ASAP2: variants seen among roughly 807,000 people sequenced by gnomAD.
The protein encoded by ASAP2 is arf-GAP with SH3 domain, ANK repeat and PH domain-containing protein 2.
A neutral mutation model predicts 131.4 loss-of-function variants in ASAP2; 45 were observed. The observed-to-expected ratio is 0.34, with a 90% confidence interval of 0.27 to 0.44. The LOEUF (loss-of-function observed/expected upper bound fraction) is 0.44. ASAP2 is among the 20% of genes least tolerant of loss of function. ASAP2 has a pLI of 1.00. For missense variants in ASAP2, 1,011 were observed against 1,297.0 expected (o/e 0.78, Z 3.39); for synonymous variants, 510 against 503.0 (o/e 1.01, Z -0.19).
At chr2:9,332,158 C>T (rs1339681133) in intron 7 of ASAP2, among the ~76,000 whole-genome samples, 1 of 152,044 alleles carries the variant, frequency 6.6e-6, no homozygotes, top group Non-Finnish European at 1.5e-5. Flanking sequence ...GTTTAATAGA[C>T]AACAAAATTT....
At chr2:9,234,282 A>G (rs1663384232) in intron 1 of ASAP2, among the ~76,000 whole-genome samples, 4 of 152,072 alleles carry the variant, frequency 2.6e-5, no homozygotes, top group Admixed American at 2.6e-4. Flanking sequence ...AGCTTCCTAA[A>G]CTGTAAAATG....
At chr2:9,329,688 C>T (rs1429538002) in intron 7 of ASAP2, among the ~76,000 whole-genome samples, 1 of 152,168 alleles carries the variant, frequency 6.6e-6, no homozygotes, top group East Asian at 1.9e-4. Flanking sequence ...TTCGTGACAG[C>T]GGGAGTGGAA....
In ASAP2 at chr2:9,302,122, CTTT is replaced by C. The variant is rs60869426; in HGVS notation, c.345+4692_345+4694del. ...ACAGGCGTGAGCCACCGCGCCCGGCCTTTTTTTTTTTTTTTTTCCCAAACACAG... is the reference window on the plus strand; with the variant it reads ...ACAGGCGTGAGCCACCGCGCCCGGCCTTTTTTTTTTTTTTCCCAAACACAG... On this transcript the variant is annotated intron_variant, in intron 3 of 27. Coordinates refer to ENST00000281419, the MANE Select transcript of ASAP2 (RefSeq NM_003887.3). Among the ~76,000 whole-genome samples, 364 of 103,398 alleles carry C rather than the reference CTTT, an allele frequency of 3.5e-3. 1 individual carries two copies. The highest frequency in any genetic ancestry group is 5.7e-3 in the South Asian group (17 of 3,002). 67.8% of individuals were successfully genotyped at this position (103,398 alleles called of 152,430 possible). A position where few individuals can be genotyped will look rare whatever the true frequency, so the allele number is the denominator to read the frequency against.
chr2:9,246,864 CAG>C (rs572008162), intron 1 of ASAP2, among the ~76,000 whole-genome samples: 26 of 152,000 alleles, frequency 1.7e-4, no homozygotes, highest in African/African-American at 5.3e-4. Flanking sequence ...TTGTTTGAGA[CAG>C]AGTCTTGCTC....
intron 1 of ASAP2, among the ~76,000 whole-genome samples, chr2:9,210,457 T>C (rs1661449716): frequency 6.6e-6 from 1 of 152,158 alleles, no homozygotes; most frequent in Non-Finnish European, 1.5e-5. Flanking sequence ...GTGAGGGCTT[T>C]TGGAGTGAGG....
chr2:9,298,056 G>T (rs911134098), intron 3 of ASAP2, among the ~76,000 whole-genome samples: 2 of 152,166 alleles, frequency 1.3e-5, no homozygotes, highest in Non-Finnish European at 2.9e-5. Context: ...TCGTGATGGG[G>T]ACAACATTTT....
intron 1 of ASAP2, among the ~76,000 whole-genome samples, chr2:9,245,989 G>A (rs1013170671): frequency 6.6e-6 from 1 of 152,186 alleles, no homozygotes; most frequent in Non-Finnish European, 1.5e-5. Context: ...GATGGGGATG[G>A]CTATCTAAGT....
chr2:9,222,400 G>T (rs1275399177), intron 1 of ASAP2, among the ~76,000 whole-genome samples: 3 of 152,206 alleles, frequency 2.0e-5, no homozygotes, highest in Admixed American at 6.5e-5. Context: ...CACTCAGGAG[G>T]CTTAGAGCCA....
At chr2:9,250,685 C>A (rs1042121838) in intron 1 of ASAP2, among the ~76,000 whole-genome samples, 27 of 152,332 alleles carry the variant, frequency 1.8e-4, no homozygotes, top group Admixed American at 4.6e-4. Flanking sequence ...CAGGAGTAGG[C>A]TGTGGAGCTC....
intron 15 of ASAP2, among the ~76,000 whole-genome samples, chr2:9,362,265 C>G (rs1673150813): frequency 6.6e-6 from 1 of 152,138 alleles, no homozygotes; most frequent in Non-Finnish European, 1.5e-5. Flanking sequence ...CATTAGGCCC[C>G]TTGGTGCCTT....
chr2:9,297,553 C>G, intron 3 of ASAP2, 108 bp downstream of exon 3: 2 of 1,297,752 alleles, frequency 1.5e-6, no homozygotes, highest in Non-Finnish European at 2.1e-6. Context: ...TTCATAGTTC[C>G]TTGGGTACCC....
chr2:9,267,557 T>C (rs1274353934), intron 1 of ASAP2, among the ~76,000 whole-genome samples: 16 of 152,140 alleles, frequency 1.1e-4, no homozygotes, highest in Non-Finnish European at 1.6e-4. Context: ...GATGGGTACC[T>C]GGGTTGATTC....
chr2:9,288,457 T>C (rs1667602118), intron 2 of ASAP2, among the ~76,000 whole-genome samples: 1 of 152,134 alleles, frequency 6.6e-6, no homozygotes, highest in South Asian at 2.1e-4. Flanking sequence ...CCAGGGGCTG[T>C]GCCCTCCATG....
chr2:9,350,044 A>T (rs1006119482), intron 11 of ASAP2, among the ~76,000 whole-genome samples: 1 of 152,206 alleles, frequency 6.6e-6, no homozygotes, highest in Admixed American at 6.5e-5. Flanking sequence ...TCTAAGAGGT[A>T]TTCTGCTGTT....
In ASAP2 at chr2:9,328,955, G is replaced by A. The variant is rs373590047; in HGVS notation, c.686+1044G>A. ...GATTTAGATAAAGATTTAGGGTAGAGTTTTTTGTTTTTTGTTTTTCTATTT... is the reference window on the plus strand; with the variant it reads ...GATTTAGATAAAGATTTAGGGTAGAATTTTTTGTTTTTTGTTTTTCTATTT... On this transcript the variant is annotated intron_variant, in intron 7 of 27. Transcript: ENST00000281419. 8.5e-5 allele frequency among the ~76,000 whole-genome samples: 13 copies of A among 152,314 alleles called. No individual in the cohort carries two copies. In the South Asian group the frequency reaches 2.1e-3, roughly 24 times the overall value.
chr2:9,375,287 A>G (rs1399922412), intron 17 of ASAP2, among the ~76,000 whole-genome samples: 2 of 151,894 alleles, frequency 1.3e-5, no homozygotes, highest in Non-Finnish European at 2.9e-5. Context: ...TGTCTCAAAA[A>G]AAAAGGAAAA....
At chr2:9,317,755 C>T (rs1272771450) in intron 3 of ASAP2, among the ~76,000 whole-genome samples, 1 of 151,668 alleles carries the variant, frequency 6.6e-6, no homozygotes, top group African/African-American at 2.4e-5. Flanking sequence ...CTCACACTCA[C>T]ATCCGTACAC....
intron 7 of ASAP2, among the ~76,000 whole-genome samples, chr2:9,330,025 T>G (rs978713047): frequency 9.2e-5 from 14 of 152,240 alleles, no homozygotes; most frequent in African/African-American, 3.4e-4. Context: ...GGCCATGCCA[T>G]TTATTTGTTT....
At chr2:9,260,439 T>C (rs1473034216) in intron 1 of ASAP2, among the ~76,000 whole-genome samples, 1 of 152,062 alleles carries the variant, frequency 6.6e-6, no homozygotes, top group African/African-American at 2.4e-5. Flanking sequence ...GGTTCATGCC[T>C]AGAGATGACC....
Sources: allele counts gnomAD v4.1 joint callset (sites outside exome capture counted in the v4.1 genomes callset), GRCh38; gene constraint gnomAD v4.1.1; transcripts MANE v1.5; gene names NCBI Gene and HGNC (gene_info 2026-07-23, HGNC 2026-07-21).